AOAH: variants seen among roughly 807,000 people sequenced by gnomAD.
AOAH encodes the protein acyloxyacyl hydrolase (neutrophil).
In AOAH, 64 loss-of-function variants were observed where a neutral mutation model predicts 92.2. That is an observed-to-expected ratio of 0.69 (90% CI 0.57 to 0.86). The LOEUF is 0.86. AOAH is among the 40% of genes least tolerant of loss of function. The pLI is 0.00. For missense variants in AOAH, 656 were observed against 694.6 expected, an observed-to-expected ratio of 0.94 and a Z score of 0.62; for synonymous variants, 263 against 254.5, an observed-to-expected ratio of 1.03 and a Z score of -0.32.
At chr7:36,696,586 G>A (rs1290100598) in intron 1 of AOAH, among the ~76,000 whole-genome samples, 3 of 152,120 alleles carry the variant, frequency 2.0e-5, no homozygotes, top group South Asian at 4.1e-4. Context: ...ATCAAGCCAG[G>A]CGCATTGGCT....
chr7:36,650,745 C>T (rs566618139), intron 4 of AOAH, among the ~76,000 whole-genome samples: 24 of 152,178 alleles, frequency 1.6e-4, no homozygotes, highest in African/African-American at 4.8e-4. Context: ...TCAGGACTGC[C>T]GTTCTCATCC....
At chr7:36,660,156 G>A (rs973650386) in intron 3 of AOAH, among the ~76,000 whole-genome samples, 1 of 151,942 alleles carries the variant, frequency 6.6e-6, no homozygotes, top group Admixed American at 6.6e-5. Context: ...ATCTCCCTTC[G>A]CTGACTGTCT....
intron 1 of AOAH, among the ~76,000 whole-genome samples, chr7:36,721,914 C>T (rs1799654824): frequency 6.6e-6 from 1 of 152,158 alleles, no homozygotes; most frequent in African/African-American, 2.4e-5. Flanking sequence ...CTTCTAATTC[C>T]TGTCTTTTGG....
At chr7:36,578,602 C>T (rs560495173) in intron 12 of AOAH, among the ~76,000 whole-genome samples, 1 of 152,272 alleles carries the variant, frequency 6.6e-6, no homozygotes, top group Non-Finnish European at 1.5e-5. Context: ...ATGTTTTTCT[C>T]CTCATCTCTA....
At chr7:36,697,049 A>T (rs1797762378) in intron 1 of AOAH, among the ~76,000 whole-genome samples, 1 of 151,992 alleles carries the variant, frequency 6.6e-6, no homozygotes, top group East Asian at 1.9e-4. Flanking sequence ...TTTTTTTATT[A>T]AACTGAATAG....
chr7:36,694,266 G>A (rs140166000), intron 1 of AOAH, among the ~76,000 whole-genome samples: 383 of 152,296 alleles, frequency 2.5e-3, no homozygotes, highest in African/African-American at 8.8e-3. Flanking sequence ...GGAGGCTGAG[G>A]CGGGCGGATC....
chr7:36,707,472 T>C (rs1433265213), intron 1 of AOAH, among the ~76,000 whole-genome samples: 2 of 152,032 alleles, frequency 1.3e-5, no homozygotes, highest in African/African-American at 4.8e-5. Context: ...CACAGAGACA[T>C]GAAGTGAGCA....
chr7:36,641,681 A>T (rs1298191241), intron 4 of AOAH, among the ~76,000 whole-genome samples: 1 of 152,106 alleles, frequency 6.6e-6, no homozygotes, highest in Non-Finnish European at 1.5e-5. Flanking sequence ...CTACATTATA[A>T]CACACTCCCA....
In AOAH at chr7:36,602,244, TTTTA is replaced by T. The variant is rs1223608203; in HGVS notation, c.847-7818_847-7815del. 2.6e-5 allele frequency among the ~76,000 whole-genome samples: 4 copies of T among 152,132 alleles called. 1 individual carries two copies. Among genetic ancestry groups the T allele is most frequent in the South Asian group, 4.1e-4 (2 of 4,828 alleles). On this transcript the variant is annotated intron_variant, in intron 11 of 20. Transcript: ENST00000617537. ...CATCATTTTGCTTGAATGCAGCTCT[TTTTA>T]TTTATTTATTTTTACCTTGTCAGCT... is the stretch of plus-strand genomic sequence containing the variant.
At chr7:36,659,028 C>A (rs764783122) in intron 4 of AOAH, 138 bp downstream of exon 4, 1 of 708,774 alleles carries the variant, frequency 1.4e-6, no homozygotes, top group South Asian at 1.6e-5. Context: ...TTATTTCTTG[C>A]GGGGTAATTG....
intron 4 of AOAH, among the ~76,000 whole-genome samples, chr7:36,656,154 A>T (rs1794873106): frequency 6.6e-6 from 1 of 152,214 alleles, no homozygotes; most frequent in Non-Finnish European, 1.5e-5. Context: ...ATTTGGTTGG[A>T]CTCACTGGGA....
chr7:36,658,197 T>G (rs1166899990), intron 4 of AOAH, among the ~76,000 whole-genome samples: 1 of 152,200 alleles, frequency 6.6e-6, no homozygotes. Flanking sequence ...TAGTTGCATC[T>G]CTTACTTCCT....
At chr7:36,537,664 A>G (rs545244328) in intron 16 of AOAH, among the ~76,000 whole-genome samples, 73 of 152,120 alleles carry the variant, frequency 4.8e-4, no homozygotes, top group African/African-American at 1.6e-3. Context: ...GATTACAGGC[A>G]CCTGCCACCA....
intron 12 of AOAH, 88 bp from the exon 13 acceptor site, chr7:36,576,744 A>C (rs1003948749): frequency 1.6e-6 from 1 of 630,306 alleles, no homozygotes; most frequent in African/African-American, 1.9e-5. Context: ...CGCTTTTAAA[A>C]AAATATGGTT....
chr7:36,642,361 G>A (rs1793971081), intron 4 of AOAH, among the ~76,000 whole-genome samples: 1 of 152,114 alleles, frequency 6.6e-6, no homozygotes, highest in Admixed American at 6.5e-5. Context: ...AAGATACAGG[G>A]AGAATGCTAT....
intron 6 of AOAH, among the ~76,000 whole-genome samples, chr7:36,624,869 C>T (rs1327750361): frequency 6.6e-6 from 1 of 152,192 alleles, no homozygotes; most frequent in Admixed American, 6.5e-5. Context: ...TCTTCTGTCC[C>T]CCTAGGGATG....
chr7:36,553,246 T>G (rs1786419522), intron 13 of AOAH, among the ~76,000 whole-genome samples: 1 of 151,852 alleles, frequency 6.6e-6, no homozygotes, highest in Non-Finnish European at 1.5e-5. Flanking sequence ...TGCAATAGTT[T>G]ACTGAGAATG....
chr7:36,621,845 A>C, intron 7 of AOAH, 65 bp from the exon 8 acceptor site: 1 of 1,450,448 alleles, frequency 6.9e-7, no homozygotes, highest in Non-Finnish European at 9.7e-7. Flanking sequence ...GAGGAAGGCT[A>C]ATCAGAGTTG....
intron 15 of AOAH, among the ~76,000 whole-genome samples, chr7:36,541,337 T>TA (rs537764914): frequency 3.6e-4 from 55 of 152,166 alleles, no homozygotes; most frequent in Non-Finnish European, 6.6e-4. Flanking sequence ...GTTAGTAAAA[T>TA]AAAAAAAGAA....
Sources: allele counts gnomAD v4.1 joint callset (sites outside exome capture counted in the v4.1 genomes callset), GRCh38; gene constraint gnomAD v4.1.1; transcripts MANE v1.5; gene names NCBI Gene and HGNC (gene_info 2026-07-23, HGNC 2026-07-21).